NHSL2: variants seen among roughly 807,000 people sequenced by gnomAD.
NHSL2 encodes the protein NHS like 2.
NHSL2 carries 27 observed loss-of-function variants against 53.4 expected under a neutral mutation model. That is an observed-to-expected ratio of 0.51 (90% CI 0.37 to 0.70). NHSL2 has a LOEUF of 0.70. Ranked by LOEUF, NHSL2 falls within the 30% of genes least tolerant of loss-of-function variation. The pLI is 0.00. For missense variants in NHSL2, 892 were observed against 980.1 expected (o/e 0.91, Z 1.20); for synonymous variants, 408 against 404.1 (o/e 1.01, Z -0.12).
At chrX:72,000,936 G>A (rs768295050) in intron 1 of NHSL2, among the ~76,000 whole-genome samples, 46 of 112,170 alleles carry the variant, frequency 4.1e-4, no homozygotes, top group Non-Finnish European at 4.3e-4. Flanking sequence ...CGTTGTGGGG[G>A]CTATAATCCT....
intron 6 of NHSL2, 55 bp from the exon 7 acceptor site, chrX:72,142,177 T>C: frequency 1.0e-6 from 1 of 984,167 alleles, no homozygotes; most frequent in South Asian, 2.7e-5. Context: ...TATGAGAATG[T>C]GCTTTGTCCT....
At chrX:72,028,868 G>T (rs926236130) in intron 1 of NHSL2, among the ~76,000 whole-genome samples, 1 of 112,431 alleles carries the variant, frequency 8.9e-6, no homozygotes, top group Non-Finnish European at 1.9e-5. Flanking sequence ...CCCTGGTTGG[G>T]TCCTCAGCAT....
At chrX:71,993,383 C>T (rs892013698) in intron 1 of NHSL2, among the ~76,000 whole-genome samples, 1 of 112,036 alleles carries the variant, frequency 8.9e-6, no homozygotes, top group African/African-American at 3.2e-5. Flanking sequence ...GGAGGGGATT[C>T]TGGGGTTGCT....
intron 1 of NHSL2, among the ~76,000 whole-genome samples, chrX:72,100,820 G>A (rs1461852655): frequency 1.8e-5 from 2 of 112,226 alleles, no homozygotes; most frequent in African/African-American, 6.5e-5. Context: ...CAAAAAGGTT[G>A]GGGACTGCTG....
intron 1 of NHSL2, among the ~76,000 whole-genome samples, chrX:72,009,926 G>A (rs1045850732): frequency 1.8e-5 from 2 of 112,901 alleles, no homozygotes; most frequent in African/African-American, 6.4e-5. Flanking sequence ...ACAGCTGGAT[G>A]TAGGTTACCA....
At chrX:71,981,248 A>G (rs1430627048) in intron 1 of NHSL2, among the ~76,000 whole-genome samples, 2 of 112,900 alleles carry the variant, frequency 1.8e-5, no homozygotes, top group Non-Finnish European at 3.7e-5. Context: ...AGAATGGACA[A>G]AAGTTTTGTA....
At chrX:72,127,217 G>T (rs1454392553) in intron 1 of NHSL2, 2 of 110,475 alleles carry the variant, frequency 1.8e-5, no homozygotes, top group African/African-American at 3.3e-5. Flanking sequence ...ATTCCAAAAG[G>T]GTTTCCTCCC....
chrX:72,141,000 C>T lies in NHSL2; in HGVS notation c.3223+229C>T, dbSNP rs940717454. The T allele has an allele frequency of 8.9e-6, 3 of 336,892 alleles. No homozygotes were observed. In the East Asian group the frequency reaches 1.5e-4, roughly 17 times the overall value. The allele number at this position is 336,892 out of a possible 1,213,427, so 27.8% of individuals were successfully genotyped here. ...GATCTCCAAGGCCCAGTTTAGGCCA[C>T]TCTCCCCTCTAAATCTCTAGTGCTG... On this transcript the variant is annotated intron_variant, in intron 6 of 7. Coordinates refer to ENST00000633930, the MANE Select transcript of NHSL2 (RefSeq NM_001013627.3).
At chrX:72,053,042 G>A (rs1296936221) in intron 1 of NHSL2, among the ~76,000 whole-genome samples, 1 of 112,102 alleles carries the variant, frequency 8.9e-6, no homozygotes, top group African/African-American at 3.3e-5. Context: ...AGTCGGATTG[G>A]CACCTTATTT....
At chrX:71,915,920 C>T (rs1321330098) in intron 1 of NHSL2, among the ~76,000 whole-genome samples, 2 of 112,021 alleles carry the variant, frequency 1.8e-5, no homozygotes, top group East Asian at 2.8e-4. Context: ...TAGTTGTGGC[C>T]GGGGGTGAGC....
Position 72,132,019 on chromosome X carries a change from C to CG in NHSL2, c.281-59dup, listed in dbSNP as rs2042308965. The CG allele has an allele frequency of 2.6e-6, 3 of 1,136,805 alleles. No individual in the cohort carries two copies. In the African/African-American group the frequency reaches 5.5e-5, roughly 21 times the overall value. 93.7% of individuals were successfully genotyped at this position (1,136,805 alleles called of 1,213,427 possible). On this transcript the variant is annotated intron_variant, in intron 1 of 7. Transcript: ENST00000633930. ...TGGGGAACCGCGGGCGCCCACTGGC[C>CG]GCCGCGCGCCGCTCCCCTCCAGCTC...
intron 1 of NHSL2, among the ~76,000 whole-genome samples, chrX:72,071,047 G>A (rs1300950333): frequency 4.5e-5 from 5 of 111,372 alleles, no homozygotes. Context: ...CCCTACAATG[G>A]GATTCTTACA....
intron 1 of NHSL2, among the ~76,000 whole-genome samples, chrX:71,942,205 G>A (rs992892327): frequency 2.7e-5 from 3 of 112,281 alleles, no homozygotes; most frequent in African/African-American, 9.7e-5. Context: ...TGCAATGTGA[G>A]GGGATCCTTC....
At position 72,019,206 on chromosome X, in the gene NHSL2, G is replaced by A. The variant is rs2042148939; in HGVS notation, c.280+107839G>A. 2.7e-5 allele frequency among the ~76,000 whole-genome samples: 3 copies of A among 112,624 alleles called. No homozygotes were observed. The South Asian group carries it at 1.1e-3, about 41-fold the overall frequency. ...TTGGAGCTGTCTGCAGTGGAGCGCAGGAGAAAGTGCACAAGCTTTCGGGTG... is the reference window on the plus strand; with the variant it reads ...TTGGAGCTGTCTGCAGTGGAGCGCAAGAGAAAGTGCACAAGCTTTCGGGTG... On this transcript the variant is annotated intron_variant, in intron 1 of 7. Coordinates refer to ENST00000633930, the MANE Select transcript of NHSL2 (RefSeq NM_001013627.3).
At chrX:72,002,395 A>C (rs1425110939) in intron 1 of NHSL2, among the ~76,000 whole-genome samples, 1 of 112,928 alleles carries the variant, frequency 8.9e-6, no homozygotes, top group Non-Finnish European at 1.9e-5. Flanking sequence ...TGGACATAGT[A>C]GATGCTTGAT....
intron 1 of NHSL2, among the ~76,000 whole-genome samples, chrX:72,040,909 C>T (rs1015998358): frequency 2.7e-5 from 3 of 112,356 alleles, no homozygotes; most frequent in Middle Eastern, 9.2e-3. Flanking sequence ...TGAGGAATGC[C>T]CAGTCCCTAC....
chrX:72,010,471 A>G lies in NHSL2; in HGVS notation c.280+99104A>G, dbSNP rs185244229. Among the ~76,000 whole-genome samples the G allele has an allele frequency of 5.2e-4, 58 of 112,399 alleles. No individual in the cohort carries two copies. In the East Asian group the frequency reaches 0.011, roughly 20 times the overall value. ...CAATTCAGCTACAATTCAAATCTCT[A>G]TCTCTCCGGTCCCACTCTGCTCCCC... On this transcript the variant is annotated intron_variant, in intron 1 of 7. Coordinates refer to ENST00000633930, the MANE Select transcript of NHSL2 (RefSeq NM_001013627.3).
chrX:72,139,225 C>T lies in NHSL2; in HGVS notation c.1677C>T (p.Ile559=), dbSNP rs2042388939. Residue 559 remains isoleucine (I), a synonymous_variant, in exon 6 of 8, where the codon ATC becomes ATT. Coordinates refer to ENST00000633930, the MANE Select transcript of NHSL2 (RefSeq NM_001013627.3). ...AQHRRQRSKS[I]SLRKAKKKPS... Reference sequence around the variant, plus strand: ...ACAGAAGGCAGAGGTCCAAGAGTATCTCACTTAGGAAGGCCAAAAAGAAGC... The same window carrying T: ...ACAGAAGGCAGAGGTCCAAGAGTATTTCACTTAGGAAGGCCAAAAAGAAGC... 13 of 1,178,873 alleles carry T rather than the reference C, an allele frequency of 1.1e-5. No individual in the cohort carries two copies. The highest frequency in any genetic ancestry group is 1.8e-5 in the African/African-American group (1 of 56,833).
At chrX:72,059,225 C>G (rs2042386335) in intron 1 of NHSL2, among the ~76,000 whole-genome samples, 1 of 110,724 alleles carries the variant, frequency 9.0e-6, no homozygotes, top group African/African-American at 3.3e-5. Flanking sequence ...CTGTCTGGCC[C>G]CACCGCTCCA....
Sources: allele counts gnomAD v4.1 joint callset (sites outside exome capture counted in the v4.1 genomes callset), GRCh38; gene constraint gnomAD v4.1.1; transcripts MANE v1.5; gene names NCBI Gene and HGNC (gene_info 2026-07-23, HGNC 2026-07-21).